Variants in PRDM5 observed in about 807,000 individuals in gnomAD.
PRDM5 encodes the protein PR domain zinc finger protein 5.
Under a neutral mutation model 81.2 loss-of-function variants are expected in PRDM5, and 56 were observed. That is an observed-to-expected ratio of 0.69 (90% CI 0.56 to 0.86). The LOEUF is 0.86. PRDM5 is among the 40% of genes least tolerant of loss of function. The pLI is 0.00. For synonymous variants in PRDM5, 267 were observed against 256.4 expected, an observed-to-expected ratio of 1.04 and a Z score of -0.39; for missense variants, 697 against 770.1, an observed-to-expected ratio of 0.91 and a Z score of 1.12.
At chr4:120,904,557 A>C (rs1429281682) in intron 2 of PRDM5, among the ~76,000 whole-genome samples, 1 of 152,204 alleles carries the variant, frequency 6.6e-6, no homozygotes, top group Non-Finnish European at 1.5e-5. Flanking sequence ...CTGAGCATAA[A>C]AATGTATAAA....
At chr4:120,741,905 TC>T (rs939404833) in intron 14 of PRDM5, among the ~76,000 whole-genome samples, 1 of 152,110 alleles carries the variant, frequency 6.6e-6, no homozygotes, top group African/African-American at 2.4e-5. Flanking sequence ...GCCAGCCAGC[TC>T]AAACTGGGTG....
intron 1 of PRDM5, among the ~76,000 whole-genome samples, chr4:120,920,665 C>T (rs1397206203): frequency 6.6e-6 from 1 of 152,200 alleles, no homozygotes; most frequent in Non-Finnish European, 1.5e-5. Context: ...CTGTCCATGA[C>T]CTTGTGACTG....
chr4:120,805,538 T>C (rs1752786634), intron 8 of PRDM5, among the ~76,000 whole-genome samples: 1 of 152,202 alleles, frequency 6.6e-6, no homozygotes, highest in African/African-American at 2.4e-5. Flanking sequence ...GATGCAAGTC[T>C]GGTTCAACAT....
rs148535029 is a variant in PRDM5, at chr4:120,734,976, C to T, written c.1623+19577G>A. On this transcript the variant is annotated intron_variant, in intron 14 of 15. Coordinates refer to ENST00000264808, the MANE Select transcript of PRDM5 (RefSeq NM_018699.4). Reference sequence around the variant, plus strand: ...TTAACTGTTCCTTCAGTACACGGCACATAGCACAGAAGCTGACTCTGTAAC... The same window carrying T: ...TTAACTGTTCCTTCAGTACACGGCATATAGCACAGAAGCTGACTCTGTAAC... Among the ~76,000 whole-genome samples the T allele has an allele frequency of 4.9e-3, 739 of 152,284 alleles. 5 individuals are homozygous for T. Among genetic ancestry groups the T allele is most frequent in the African/African-American group, 0.017 (699 of 41,554 alleles).
intron 14 of PRDM5, among the ~76,000 whole-genome samples, chr4:120,724,633 T>A (rs1339308878): frequency 6.6e-6 from 1 of 152,188 alleles, no homozygotes; most frequent in Non-Finnish European, 1.5e-5. Context: ...CATCTTTGAA[T>A]AAAACCATAA....
intron 13 of PRDM5, among the ~76,000 whole-genome samples, chr4:120,766,580 G>C (rs1344845770): frequency 6.6e-6 from 1 of 152,158 alleles, no homozygotes; most frequent in Non-Finnish European, 1.5e-5. Flanking sequence ...ATGATGAAAG[G>C]AGTGTATGTA....
chr4:120,772,268 G>A (rs1165157183), intron 13 of PRDM5, among the ~76,000 whole-genome samples: 1 of 152,196 alleles, frequency 6.6e-6, no homozygotes, highest in Non-Finnish European at 1.5e-5. Context: ...AAACCTTACT[G>A]ATAGGATGAT....
chr4:120,709,539 T>C (rs950372594), intron 15 of PRDM5, among the ~76,000 whole-genome samples: 7 of 152,178 alleles, frequency 4.6e-5, no homozygotes, highest in African/African-American at 1.4e-4. Flanking sequence ...GCTGTATCCA[T>C]TGGGACATGA....
chr4:120,757,137 C>T (rs1744861347), intron 13 of PRDM5, among the ~76,000 whole-genome samples: 1 of 152,116 alleles, frequency 6.6e-6, no homozygotes, highest in Non-Finnish European at 1.5e-5. Context: ...TAGTTAAAGA[C>T]TAGTGAGGAA....
intron 14 of PRDM5, among the ~76,000 whole-genome samples, chr4:120,714,791 G>C (rs1057174014): frequency 3.9e-5 from 6 of 152,114 alleles, no homozygotes; most frequent in Non-Finnish European, 5.9e-5. Flanking sequence ...CAGCATTTGT[G>C]TTTGCTGCTG....
intron 3 of PRDM5, among the ~76,000 whole-genome samples, chr4:120,844,015 AGAG>A (rs1271829994): frequency 6.6e-6 from 1 of 152,114 alleles, no homozygotes; most frequent in Non-Finnish European, 1.5e-5. Flanking sequence ...ACCTAAACAC[AGAG>A]GAGCTCAGTA....
intron 14 of PRDM5, among the ~76,000 whole-genome samples, chr4:120,731,011 A>G (rs1020277270): frequency 2.6e-5 from 4 of 152,246 alleles, no homozygotes; most frequent in African/African-American, 7.2e-5. Context: ...AAAGCCCTTA[A>G]GAGTTTCCCT....
At chr4:120,781,698 C>T (rs1364460839) in intron 11 of PRDM5, among the ~76,000 whole-genome samples, 1 of 152,142 alleles carries the variant, frequency 6.6e-6, no homozygotes, top group African/African-American at 2.4e-5. Flanking sequence ...TCAAATCCCA[C>T]CACGGTCCCT....
At chr4:120,921,489 C>T (rs1724906323) in intron 1 of PRDM5, among the ~76,000 whole-genome samples, 1 of 152,170 alleles carries the variant, frequency 6.6e-6, no homozygotes, top group Admixed American at 6.5e-5. Context: ...TACTACTCTT[C>T]ACCAGCTCTT....
chr4:120,690,220 TG>T (rs530785459), downstream of PRDM5, among the ~76,000 whole-genome samples: 496 of 152,314 alleles, frequency 3.3e-3, 5 homozygotes, highest in East Asian at 1.5e-3. Context: ...TACTAAGGAA[TG>T]AATAGATAAT....
chr4:120,903,193 T>C lies in PRDM5; in HGVS notation c.177+4281A>G, dbSNP rs1765404819. Among the ~76,000 whole-genome samples the C allele has an allele frequency of 2.0e-5, 3 of 152,304 alleles. 1 individual carries two copies. The South Asian group carries it at 6.2e-4, about 32-fold the overall frequency. On this transcript the variant is annotated intron_variant, in intron 2 of 15. Coordinates refer to ENST00000264808, the MANE Select transcript of PRDM5 (RefSeq NM_018699.4). ...AAGGACTACTCATTTGAGAGCTTCA[T>C]TGTGGTTAGCACCATAGATATGGGG...
intron 3 of PRDM5, chr4:120,838,227 G>C (rs998817232): frequency 1.3e-5 from 2 of 152,142 alleles, no homozygotes; most frequent in South Asian, 4.1e-4. Flanking sequence ...AACTCTGCTA[G>C]TAATCTTCCT....
At chr4:120,782,191 G>A (rs975514759) in intron 11 of PRDM5, among the ~76,000 whole-genome samples, 1 of 152,282 alleles carries the variant, frequency 6.6e-6, no homozygotes, top group East Asian at 1.9e-4. Flanking sequence ...GGTATAAAAT[G>A]TATGTAGTAT....
At chr4:120,920,303 A>T (rs940129553) in intron 1 of PRDM5, among the ~76,000 whole-genome samples, 2 of 152,244 alleles carry the variant, frequency 1.3e-5, no homozygotes, top group Admixed American at 6.5e-5. Flanking sequence ...GTGGCAAAAC[A>T]TCTGTAATTT....
Sources: allele counts gnomAD v4.1 joint callset (sites outside exome capture counted in the v4.1 genomes callset), GRCh38; gene constraint gnomAD v4.1.1; transcripts MANE v1.5; gene names NCBI Gene and HGNC (gene_info 2026-07-23, HGNC 2026-07-21).